ACAP2: variants seen among roughly 807,000 people sequenced by gnomAD.
The protein encoded by ACAP2 is ArfGAP with coiled-coil, ankyrin repeat and PH domains 2.
In ACAP2, 39 loss-of-function variants were observed where a neutral mutation model predicts 115.8. The observed-to-expected ratio is 0.34, with a 90% CI of 0.26 to 0.44. The LOEUF (loss-of-function observed/expected upper bound fraction) is 0.44. Among genes scored for constraint, ACAP2 ranks in the 20% least tolerant of loss-of-function variants. The pLI, the probability that ACAP2 is intolerant of heterozygous loss-of-function variation, is 1.00. For synonymous variants in ACAP2, 289 were observed against 315.8 expected, an observed-to-expected ratio of 0.92 and a Z score of 0.90; for missense variants, 662 against 927.6, an observed-to-expected ratio of 0.71 and a Z score of 3.72.
chr3:195,391,203 GA>G (rs1734647640), intron 2 of ACAP2, among the ~76,000 whole-genome samples: 2 of 147,462 alleles, frequency 1.4e-5, no homozygotes, highest in Admixed American at 1.4e-4. Context: ...CTTTTTGGTA[GA>G]AAATACAGAA....
intron 1 of ACAP2, among the ~76,000 whole-genome samples, chr3:195,441,397 T>C (rs1715982375): frequency 6.6e-6 from 1 of 152,192 alleles, no homozygotes; most frequent in Admixed American, 6.5e-5. Context: ...CAAAAATGAA[T>C]CGCAACAACA....
At chr3:195,409,219 TAGAATA>T in intron 1 of ACAP2, among the ~76,000 whole-genome samples, 1 of 152,328 alleles carries the variant, frequency 6.6e-6, no homozygotes, top group South Asian at 2.1e-4. Flanking sequence ...AGGAACCTGT[TAGAATA>T]AATGAATTCC....
At chr3:195,349,848 C>A in intron 4 of ACAP2, 1 of 350,832 alleles carries the variant, frequency 2.9e-6, no homozygotes, top group South Asian at 2.4e-5. Context: ...TGCGCATTGA[C>A]ACCAGGCAAA....
chr3:195,303,800 G>A (rs527242456), intron 13 of ACAP2, among the ~76,000 whole-genome samples: 42 of 152,158 alleles, frequency 2.8e-4, no homozygotes, highest in East Asian at 7.7e-4. Flanking sequence ...CATAATGACC[G>A]AATACAAAGA....
chr3:195,288,988 C>T (rs1727053623), intron 21 of ACAP2, 133 bp downstream of exon 21: 3 of 596,380 alleles, frequency 5.0e-6, no homozygotes, highest in African/African-American at 1.9e-5. Flanking sequence ...AAATACATAC[C>T]ATTTTATATA....
At chr3:195,394,936 A>T (rs927851386) in intron 1 of ACAP2, among the ~76,000 whole-genome samples, 47 of 123,474 alleles carry the variant, frequency 3.8e-4, no homozygotes, top group Admixed American at 5.4e-4. Context: ...TTTTTTTTTT[A>T]AAGTAGGGGG....
At chr3:195,326,840 C>T in intron 9 of ACAP2, 45 bp downstream of exon 9, 1 of 1,538,380 alleles carries the variant, frequency 6.5e-7, no homozygotes, top group Non-Finnish European at 9.0e-7. Flanking sequence ...ACACCCAAGC[C>T]ATTGTATAAA....
chr3:195,403,713 G>A (rs556861857), intron 1 of ACAP2, among the ~76,000 whole-genome samples: 2 of 152,294 alleles, frequency 1.3e-5, no homozygotes, highest in Non-Finnish European at 2.9e-5. Context: ...TACAATCAAC[G>A]GAGATGGGCA....
At chr3:195,405,826 G>C (rs954456625) in intron 1 of ACAP2, among the ~76,000 whole-genome samples, 12 of 152,194 alleles carry the variant, frequency 7.9e-5, no homozygotes, top group Admixed American at 3.3e-4. Context: ...AGAAGGCAAA[G>C]GGGAAGCAAA....
At chr3:195,407,126 G>A (rs1712839224) in intron 1 of ACAP2, among the ~76,000 whole-genome samples, 2 of 151,156 alleles carry the variant, frequency 1.3e-5, no homozygotes, top group Admixed American at 6.6e-5. Flanking sequence ...ATAAAAAAAT[G>A]CAGTTAAATA....
At chr3:195,411,933 T>C (rs1713297090) in intron 1 of ACAP2, among the ~76,000 whole-genome samples, 1 of 150,926 alleles carries the variant, frequency 6.6e-6, no homozygotes, top group Non-Finnish European at 1.5e-5. Flanking sequence ...AAAAACAAAT[T>C]GTTTTTAAGC....
At chr3:195,442,653 G>T in intron 1 of ACAP2, 142 bp downstream of exon 1, 1 of 842,602 alleles carries the variant, frequency 1.2e-6, no homozygotes, top group Middle Eastern at 3.6e-4. Flanking sequence ...GCCCTCGCAG[G>T]GTGGGAAACG....
chr3:195,368,071 T>G (rs1324642502), intron 4 of ACAP2, among the ~76,000 whole-genome samples: 1 of 152,260 alleles, frequency 6.6e-6, no homozygotes, highest in African/African-American at 2.4e-5. Flanking sequence ...GCAAACTACT[T>G]GGTATAATTC....
chr3:195,310,527 A>G (rs946328636), intron 10 of ACAP2, among the ~76,000 whole-genome samples: 3 of 152,268 alleles, frequency 2.0e-5, no homozygotes, highest in African/African-American at 7.2e-5. Flanking sequence ...GGTGAACTGT[A>G]GTCATACAAA....
At chr3:195,422,834 A>C (rs1186377020) in intron 1 of ACAP2, among the ~76,000 whole-genome samples, 1 of 152,276 alleles carries the variant, frequency 6.6e-6, no homozygotes, top group South Asian at 2.1e-4. Flanking sequence ...CTTCAAATCC[A>C]AGGCCTCAGA....
intron 4 of ACAP2, among the ~76,000 whole-genome samples, chr3:195,370,688 C>T (rs1026988017): frequency 6.6e-6 from 1 of 152,134 alleles, no homozygotes; most frequent in African/African-American, 2.4e-5. Context: ...TGGTGACTCA[C>T]ACCTGTAATC....
intron 12 of ACAP2, 142 bp from the exon 13 acceptor site, chr3:195,306,758 C>A: frequency 1.1e-5 from 6 of 555,030 alleles, no homozygotes; most frequent in Non-Finnish European, 1.8e-5. Context: ...GGTTTTATTT[C>A]ATGTATCTTT....
chr3:195,305,863 A>G (rs911229748), intron 13 of ACAP2, among the ~76,000 whole-genome samples: 1 of 151,662 alleles, frequency 6.6e-6, no homozygotes, highest in Non-Finnish European at 1.5e-5. Context: ...TCTATGATCT[A>G]TATTTGGGAG....
intron 6 of ACAP2, 73 bp from the exon 7 acceptor site, chr3:195,337,049 C>T: frequency 1.5e-6 from 2 of 1,355,428 alleles, no homozygotes; most frequent in Non-Finnish European, 1.0e-6. Flanking sequence ...TATTGTAAAG[C>T]TTATTTTAAT....
Sources: gnomAD v4.1 joint callset for allele counts (sites outside exome capture counted in the v4.1 genomes callset) on GRCh38, gnomAD v4.1.1 for gene constraint, MANE v1.5 for transcripts, NCBI Gene and HGNC (gene_info 2026-07-23, HGNC 2026-07-21) for gene names.